Variants in ZNF397 observed in about 807,000 individuals in gnomAD.
The protein encoded by ZNF397 is zinc finger protein 397, also known as zinc finger and SCAN domain-containing protein 15.
A neutral mutation model predicts 50.6 loss-of-function variants in ZNF397; 38 were observed. The observed-to-expected ratio is 0.75, with a 90% CI of 0.58 to 0.98. The LOEUF (loss-of-function observed/expected upper bound fraction) is 0.98, where lower values mean the gene tolerates loss of function less well. Among genes scored for constraint, ZNF397 ranks in the 50% least tolerant of loss-of-function variants. The pLI, the probability that ZNF397 is intolerant of heterozygous loss-of-function variation, is 0.00. For missense variants in ZNF397, 624 were observed against 624.1 expected, an observed-to-expected ratio of 1.00 and a Z score of 0.00; for synonymous variants, 228 against 215.2, an observed-to-expected ratio of 1.06 and a Z score of -0.52.
chr18:35,256,698 A>G (rs2043833972), intron 5 of ZNF397, among the ~76,000 whole-genome samples: 1 of 152,210 alleles, frequency 6.6e-6, no homozygotes, highest in South Asian at 2.1e-4. Context: ...GTACAGATTT[A>G]TAAGAGGCTC....
downstream of ZNF397, chr18:35,253,325 T>C: frequency 2.9e-6 from 2 of 687,948 alleles, no homozygotes; most frequent in Non-Finnish European, 4.7e-6. Context: ...GCATGTCTTC[T>C]TATAGTACCG....
chr18:35,250,440 C>G (rs1219054806), downstream of ZNF397, among the ~76,000 whole-genome samples: 1 of 152,178 alleles, frequency 6.6e-6, no homozygotes, highest in African/African-American at 2.4e-5. Flanking sequence ...TGTCCTGTTT[C>G]TCTTGGTATA....
In ZNF397 at chr18:35,247,154, G is replaced by C; in HGVS notation, c.*844G>C. On this transcript the variant is annotated 3_prime_UTR_variant, in exon 4 of 4. Transcript: ENST00000330501. ...TGAGTTCCTGTTGTAGTGAGGTCTT[G>C]TCTGTCAGAGAAGTCTGGGTCTGGC... 2 of 985,526 alleles carry C rather than the reference G, an allele frequency of 2.0e-6. No homozygotes were observed. Among genetic ancestry groups the C allele is most frequent in the Non-Finnish European group, 2.4e-6 (2 of 829,998 alleles). 61.0% of individuals were successfully genotyped at this position (985,526 alleles called of 1,614,324 possible).
downstream of ZNF397, chr18:35,253,492 C>A (rs775673779): frequency 1.2e-6 from 2 of 1,606,926 alleles, no homozygotes; most frequent in Non-Finnish European, 1.7e-6. Context: ...TAAGGCCTGA[C>A]CTATGCCTAA....
Position 35,242,881 on chromosome 18 carries a change from G to A in ZNF397, c.411G>A (p.Gln137=). The change falls in exon 2 of 4, where the codon CAG becomes CAA. Residue 137 remains glutamine (Q), a synonymous_variant. Transcript: ENST00000330501. ...DLEREFDDPG[Q]QVPASPQGPA... is the part of the protein sequence containing the mutation. ...AGAGGGAGTTTGATGACCCAGGGCA[G>A]CAGGTGGGAACGGAGAAAAGTGATG... The A allele has an allele frequency of 6.2e-7, 1 of 1,604,450 alleles. No homozygotes were observed. Among genetic ancestry groups the A allele is most frequent in the South Asian group, 1.1e-5 (1 of 90,228 alleles).
At chr18:35,253,121 G>C (rs929829365), downstream of ZNF397, 2 of 201,008 alleles carry the variant, frequency 9.9e-6, no homozygotes, top group African/African-American at 2.3e-5. Flanking sequence ...CCCCAATCCT[G>C]GCATTACTGT....
In ZNF397 at chr18:35,246,852, G is replaced by T; in HGVS notation, c.*542G>T. On this transcript the variant is annotated 3_prime_UTR_variant, in exon 4 of 4. Transcript: ENST00000330501. ...GAAGAAAGAATATAATTTACCCAAA[G>T]GTTATTTTTTGAGTACCTACTTTGT... 1.0e-6 allele frequency: 1 copy of T among 985,610 alleles called. No individual in the cohort carries two copies. The highest frequency in any genetic ancestry group is 1.2e-6 in the Non-Finnish European group (1 of 830,146). The allele number at this position is 985,610 out of a possible 1,614,324, so 61.1% of individuals were successfully genotyped here.
intron 5 of ZNF397, among the ~76,000 whole-genome samples, chr18:35,256,103 A>G (rs1262517470): frequency 6.6e-6 from 1 of 152,232 alleles, no homozygotes; most frequent in African/African-American, 2.4e-5. Context: ...TTCTGTAACT[A>G]TATGAAGTCA....
rs141367276 is a variant in ZNF397 at position 35,256,070 on chromosome 18, T to C, written c.817+1668T>C. 4.6e-5 allele frequency among the ~76,000 whole-genome samples: 7 copies of C among 152,098 alleles called. No homozygotes were observed. In the East Asian group the frequency reaches 7.7e-4, roughly 17 times the overall value. On this transcript the variant is annotated intron_variant, in intron 5 of 5. Transcript: ENST00000261333. ...AAAATTAGAAAAGCAATGTAACTTA[T>C]GGGATTTAAATACGTCTTCAAATTC...
chr18:35,258,814 G>A (rs2043931412), downstream of ZNF397: 1 of 127,308 alleles, frequency 7.9e-6, no homozygotes, highest in Non-Finnish European at 1.6e-5. Context: ...AGGTTGTAGT[G>A]AGCCAAGATC....
At position 35,246,848 on chromosome 18, in the gene ZNF397, C is replaced by G. The variant is rs1029297206; in HGVS notation, c.*538C>G. Reference sequence around the variant, plus strand: ...ATGAGAAGAAAGAATATAATTTACCCAAAGGTTATTTTTTGAGTACCTACT... The same window carrying G: ...ATGAGAAGAAAGAATATAATTTACCGAAAGGTTATTTTTTGAGTACCTACT... On this transcript the variant is annotated 3_prime_UTR_variant, in exon 4 of 4. Transcript: ENST00000330501. 1 of 985,616 alleles carries G rather than the reference C, an allele frequency of 1.0e-6. No homozygotes were observed. Among genetic ancestry groups the G allele is most frequent in the South Asian group, 4.7e-5 (1 of 21,294 alleles). 61.1% of individuals were successfully genotyped at this position (985,616 alleles called of 1,614,324 possible).
At position 35,242,683 on chromosome 18, in the gene ZNF397, C is replaced by T. The variant is rs115005975; in HGVS notation, c.213C>T (p.Leu71=). 9.5e-5 allele frequency: 154 copies of T among 1,614,224 alleles called. No individual in the cohort carries two copies. In the African/African-American group the frequency reaches 1.9e-3, roughly 20 times the overall value. ...TPGPREALSR[L]QELCYQWLMP... is the part of the protein sequence containing the mutation. The stretch of plus-strand genomic sequence containing the variant: ...GGCCCCGGGAGGCTCTGAGCCGACT[C>T]CAGGAACTTTGCTATCAGTGGCTAA... Residue 71 remains leucine, a synonymous_variant, in exon 2 of 4, where the codon CTC becomes CTT. Coordinates refer to ENST00000330501, the MANE Select transcript of ZNF397 (RefSeq NM_001135178.3).
chr18:35,243,980 A>C lies in ZNF397; in HGVS notation c.556+687A>C, dbSNP rs191074392. On this transcript the variant is annotated intron_variant, in intron 3 of 3. Coordinates refer to ENST00000330501, the MANE Select transcript of ZNF397 (RefSeq NM_001135178.3). ...TAGTTTCTTAAGTGCAGTGGGATGC[A>C]GTTGAAGGATTTTGGACAAGGAGTG... The C allele has an allele frequency of 3.8e-3, 592 of 155,396 alleles. 4 individuals carry two copies. The highest frequency in any genetic ancestry group is 0.011 in the South Asian group (56 of 4,984). The allele number at this position is 155,396 out of a possible 1,614,324, so 9.6% of individuals were successfully genotyped here.
chr18:35,256,796 CAG>C lies in ZNF397; in HGVS notation c.818-1129_818-1128del, dbSNP rs1381995794. 3.3e-5 allele frequency among the ~76,000 whole-genome samples: 5 copies of C among 152,088 alleles called. 1 individual carries two copies. The highest frequency in any genetic ancestry group is 9.7e-5 in the African/African-American group (4 of 41,408). On this transcript the variant is annotated intron_variant, in intron 5 of 5. Coordinates refer to the ZNF397 transcript ENST00000261333. ...TGTTGTTGTTTGTTTGTTTTTGAAA[CAG>C]AGTCTTGCTCTGTCACTCAGGCTGG...
Position 35,246,990 on chromosome 18 carries a change from C to G in ZNF397, c.*680C>G, listed in dbSNP as rs1362869947. ...TGCTCCTATGTGACCTTAAGGAGCACCTGACTCAGCCTTGGATAAGGAAAT... is the reference window on the plus strand; with the variant it reads ...TGCTCCTATGTGACCTTAAGGAGCAGCTGACTCAGCCTTGGATAAGGAAAT... On this transcript the variant is annotated 3_prime_UTR_variant, in exon 4 of 4. Transcript: ENST00000330501. 2 of 860,034 alleles carry G rather than the reference C, an allele frequency of 2.3e-6. No homozygotes were observed. The highest frequency in any genetic ancestry group is 3.7e-5 in the African/African-American group (2 of 54,626). 53.3% of individuals were successfully genotyped at this position (860,034 alleles called of 1,614,324 possible). A position where few individuals can be genotyped will look rare whatever the true frequency, so the allele number is the denominator to read the frequency against.
chr18:35,245,195 C>T, intron 3 of ZNF397, 67 bp from the exon 4 acceptor site: 6 of 1,467,992 alleles, frequency 4.1e-6, no homozygotes, highest in Non-Finnish European at 5.4e-6. Flanking sequence ...TGTTTTCTCT[C>T]ATGTAGAAAG....
chr18:35,247,253 G>A lies in ZNF397; in HGVS notation c.*943G>A. 1.5e-5 allele frequency: 13 copies of A among 892,854 alleles called. No individual in the cohort carries two copies. The highest frequency in any genetic ancestry group is 1.7e-5 in the Non-Finnish European group (13 of 745,534). 55.3% of individuals were successfully genotyped at this position (892,854 alleles called of 1,614,324 possible). A position where few individuals can be genotyped will look rare whatever the true frequency, so the allele number is the denominator to read the frequency against. ...CCTGGAGCCCTTGGGCCACAGGGTA[G>A]TCAAGAGCTTTGTCTTGGTTTATGT... On this transcript the variant is annotated 3_prime_UTR_variant, in exon 4 of 4. Coordinates refer to ENST00000330501, the MANE Select transcript of ZNF397 (RefSeq NM_001135178.3).
Position 35,246,195 on chromosome 18 carries a change from T to A in ZNF397, c.1490T>A (p.Val497Asp), listed in dbSNP as rs779941254. 6.4e-7 allele frequency: 1 copy of A among 1,551,938 alleles called. No homozygotes were observed. Among genetic ancestry groups the A allele is most frequent in the Non-Finnish European group, 8.7e-7 (1 of 1,147,074 alleles). The change falls in exon 4 of 4, where the codon GTT becomes GAT. Residue 497 changes from valine (V) to aspartate (D), a missense_variant. Transcript: ENST00000330501. ...ACTTTCAAAAGGAGCTCAGCCCTTG[T>A]TCAGCATCAGAGAATTCATTCTGGG... ...GKTFKRSSAL[V>D]QHQRIHSGDE...
intron 2 of ZNF397, 130 bp downstream of exon 2, chr18:35,243,014 C>T: frequency 6.8e-7 from 1 of 1,478,788 alleles, no homozygotes; most frequent in South Asian, 1.3e-5. Context: ...TAGAGCCATA[C>T]TTGTCTATAC....
Sources: allele counts gnomAD v4.1 joint callset (sites outside exome capture counted in the v4.1 genomes callset), GRCh38; gene constraint gnomAD v4.1.1; transcripts MANE v1.5; gene names NCBI Gene and HGNC (gene_info 2026-07-23, HGNC 2026-07-21).